Variants in DDX60 observed in about 807,000 individuals in gnomAD.
DDX60 encodes the protein probable ATP-dependent RNA helicase DDX60.
A neutral mutation model predicts 212.8 loss-of-function variants in DDX60; 165 were observed. That is an observed-to-expected ratio of 0.78 (90% CI 0.68 to 0.88). The LOEUF (loss-of-function observed/expected upper bound fraction) is 0.88. Ranked by LOEUF, DDX60 falls within the 40% of genes least tolerant of loss-of-function variation. The pLI is 0.00. For synonymous variants in DDX60, 703 were observed against 685.3 expected, an observed-to-expected ratio of 1.03 and a Z score of -0.40; for missense variants, 1,905 against 2,003.9, an observed-to-expected ratio of 0.95 and a Z score of 0.94.
intron 6 of DDX60, among the ~76,000 whole-genome samples, chr4:168,297,370 GAA>G (rs1491525993): frequency 1.3e-3 from 66 of 52,766 alleles, no homozygotes; most frequent in Non-Finnish European, 1.1e-3. Context: ...AAGAAAGAAA[GAA>G]AGAAAGAAAG....
At chr4:168,281,692 T>C (rs1198275566) in intron 13 of DDX60, among the ~76,000 whole-genome samples, 1 of 152,242 alleles carries the variant, frequency 6.6e-6, no homozygotes, top group Non-Finnish European at 1.5e-5. Context: ...AATTGTTGTA[T>C]TAGCAAGAGG....
chr4:168,308,117 G>A lies in DDX60; in HGVS notation c.153C>T (p.Ile51=), dbSNP rs767320666. ...IDGDSLLITC[I]CEISFKPGQN... The stretch of plus-strand genomic sequence containing the variant: ...GCCCAGGCTTAAATGATATCTCACA[G>A]ATACATGTGATAAGTAATGAATCCC... The change falls in exon 4 of 38, where the codon ATC becomes ATT. Residue 51 remains isoleucine (I), a synonymous_variant. Coordinates refer to ENST00000393743, the MANE Select transcript of DDX60 (RefSeq NM_017631.6). 43 of 1,606,916 alleles carry A rather than the reference G, an allele frequency of 2.7e-5. 1 individual carries two copies. In the South Asian group the frequency reaches 4.4e-4, roughly 17 times the overall value.
chr4:168,239,431 G>C (rs1733760684), intron 30 of DDX60, among the ~76,000 whole-genome samples: 1 of 152,020 alleles, frequency 6.6e-6, no homozygotes, highest in African/African-American at 2.4e-5. Flanking sequence ...TAGATGGATA[G>C]AAATATAGAT....
At chr4:168,275,556 T>C in intron 15 of DDX60, 53 bp from the exon 16 acceptor site, 1 of 1,452,068 alleles carries the variant, frequency 6.9e-7, no homozygotes, top group Non-Finnish European at 9.3e-7. Flanking sequence ...AGAATATCAT[T>C]TAAATAAGTA....
At chr4:168,223,773 T>A (rs1304118148) in intron 35 of DDX60, among the ~76,000 whole-genome samples, 1 of 152,068 alleles carries the variant, frequency 6.6e-6, no homozygotes, top group African/African-American at 2.4e-5. Context: ...TAAAACACTT[T>A]TTCTCAAAGT....
chr4:168,237,320 T>C lies in DDX60; in HGVS notation c.4377A>G (p.Gly1459=). 6.3e-7 allele frequency: 1 copy of C among 1,584,942 alleles called. No individual in the cohort carries two copies. Among genetic ancestry groups the C allele is most frequent in the Non-Finnish European group, 8.6e-7 (1 of 1,166,124 alleles). Residue 1459 remains glycine (G), a synonymous_variant, in exon 32 of 38, where the codon GGA becomes GGG. Coordinates refer to ENST00000393743, the MANE Select transcript of DDX60 (RefSeq NM_017631.6). ...TTGGCTGACAGAGATCATGGAAGAG[T>C]CCATTTACAAGAAAACTGACAAAAA... ...NLVFVSFLVN[G]LFHDLCQPTR...
At position 168,306,599 on chromosome 4, in the gene DDX60, T is replaced by C. The variant is rs1319469106; in HGVS notation, c.386A>G (p.Lys129Arg). 1 of 1,614,064 alleles carries C rather than the reference T, an allele frequency of 6.2e-7. No individual in the cohort carries two copies. The highest frequency in any genetic ancestry group is 8.5e-7 in the Non-Finnish European group (1 of 1,180,022). ...VRTTFSRCLSKEWGSFLEESY... is the reference protein window; with the variant it reads ...VRTTFSRCLSREWGSFLEESY... The stretch of plus-strand genomic sequence containing the variant: ...CTCTTCCAAGAAACTTCCCCACTCT[T>C]TTGATAAGCATCTCGAAAATGTTGT... The change falls in exon 5 of 38, where the codon AAA becomes AGA. Residue 129 changes from lysine to arginine, a missense_variant. Lys to Arg is a conservative substitution (Grantham distance 26). Transcript: ENST00000393743.
At chr4:168,234,141 G>T (rs544314286) in intron 33 of DDX60, among the ~76,000 whole-genome samples, 34 of 152,164 alleles carry the variant, frequency 2.2e-4, no homozygotes, top group Non-Finnish European at 3.5e-4. Flanking sequence ...TGTCCTAGGT[G>T]ATTTATGATT....
chr4:168,255,693 G>C lies in DDX60; in HGVS notation c.3557+18C>G. 6.4e-7 allele frequency: 1 copy of C among 1,563,018 alleles called. No homozygotes were observed. Among genetic ancestry groups the C allele is most frequent in the African/African-American group, 1.4e-5 (1 of 71,934 alleles). On this transcript the variant is annotated intron_variant, in intron 26 of 37. Transcript: ENST00000393743. The stretch of plus-strand genomic sequence containing the variant: ...ATTTTAACCCTCTACTTATCAATTT[G>C]TTTAGTTAACTACTTACATGATCTT...
intron 29 of DDX60, among the ~76,000 whole-genome samples, chr4:168,247,178 A>G (rs1378223): frequency 0.058 from 8,852 of 152,314 alleles, 437 homozygotes; most frequent in East Asian, 0.15. Context: ...TTAAGTGCTT[A>G]GACTATGGTA....
chr4:168,296,122 C>A (rs1669145420), intron 6 of DDX60, among the ~76,000 whole-genome samples: 1 of 151,946 alleles, frequency 6.6e-6, no homozygotes, highest in Non-Finnish European at 1.5e-5. Context: ...TCATATATTT[C>A]AAAATAAGTG....
At chr4:168,266,457 C>T (rs937055168) in intron 22 of DDX60, among the ~76,000 whole-genome samples, 6 of 152,132 alleles carry the variant, frequency 3.9e-5, no homozygotes, top group African/African-American at 1.4e-4. Context: ...CTCATCATGG[C>T]TGGTGTCGTA....
At chr4:168,239,459 A>G (rs1733761937) in intron 30 of DDX60, among the ~76,000 whole-genome samples, 1 of 152,150 alleles carries the variant, frequency 6.6e-6, no homozygotes, top group Non-Finnish European at 1.5e-5. Context: ...ATAAAGAAAG[A>G]TAGATCAATG....
chr4:168,253,098 C>A (rs560027270), intron 26 of DDX60, among the ~76,000 whole-genome samples: 1 of 152,174 alleles, frequency 6.6e-6, no homozygotes, highest in African/African-American at 2.4e-5. Flanking sequence ...CCACCGTGCC[C>A]GGCCTGCTGT....
At chr4:168,279,881 G>A (rs1735514266) in intron 14 of DDX60, among the ~76,000 whole-genome samples, 1 of 152,192 alleles carries the variant, frequency 6.6e-6, no homozygotes, top group African/African-American at 2.4e-5. Flanking sequence ...ACAATTCTCA[G>A]ATGGAACACA....
chr4:168,227,074 T>C (rs1733282207), intron 33 of DDX60, among the ~76,000 whole-genome samples: 1 of 152,076 alleles, frequency 6.6e-6, no homozygotes, highest in African/African-American at 2.4e-5. Flanking sequence ...TGTTATTCTC[T>C]TTACGATAAA....
upstream of DDX60, among the ~76,000 whole-genome samples, chr4:168,319,423 A>T (rs1579098888): frequency 6.6e-6 from 1 of 152,210 alleles, no homozygotes; most frequent in Non-Finnish European, 1.5e-5. Flanking sequence ...TTCTACTTGT[A>T]TGCAAAAAGA....
At chr4:168,229,355 T>C (rs191165631) in intron 33 of DDX60, among the ~76,000 whole-genome samples, 36 of 152,212 alleles carry the variant, frequency 2.4e-4, no homozygotes, top group African/African-American at 8.4e-4. Context: ...CTGGGCACTT[T>C]CGGTCCCCAG....
At chr4:168,282,812 G>T (rs919768685) in intron 13 of DDX60, among the ~76,000 whole-genome samples, 2 of 152,078 alleles carry the variant, frequency 1.3e-5, no homozygotes, top group South Asian at 4.1e-4. Flanking sequence ...ATTATCAACT[G>T]ATAATTTTAG....
Sources: gnomAD v4.1 joint callset for allele counts (sites outside exome capture counted in the v4.1 genomes callset) on GRCh38, gnomAD v4.1.1 for gene constraint, MANE v1.5 for transcripts, NCBI Gene and HGNC (gene_info 2026-07-23, HGNC 2026-07-21) for gene names.